Variants in CTNNA3 observed in about 807,000 individuals in gnomAD.
CTNNA3 encodes catenin alpha 3, also known as catenin alpha-3.
CTNNA3 carries 76 observed loss-of-function variants against 95.7 expected under a neutral mutation model. That is an observed-to-expected ratio of 0.79 (90% confidence interval 0.66 to 0.96). The LOEUF is 0.96. Ranked by LOEUF, CTNNA3 falls within the 40% of genes least tolerant of loss-of-function variation. The pLI, the probability that CTNNA3 is intolerant of heterozygous loss-of-function variation, is 0.00. For missense variants in CTNNA3, 1,191 were observed against 1,089.8 expected, an observed-to-expected ratio of 1.09 and a Z score of -1.31; for synonymous variants, 431 against 374.4, an observed-to-expected ratio of 1.15 and a Z score of -1.74.
At chr10:65,941,791 C>A (rs1267620358) in intron 17 of CTNNA3, among the ~76,000 whole-genome samples, 1 of 152,024 alleles carries the variant, frequency 6.6e-6, no homozygotes. Flanking sequence ...CTGTTGGAAA[C>A]TTAACCAAAC....
Position 66,505,611 on chromosome 10 carries a change from C to T in CTNNA3, c.1531+15006G>A, listed in dbSNP as rs140213599. On this transcript the variant is annotated intron_variant, in intron 11 of 17. Coordinates refer to ENST00000433211, the MANE Select transcript of CTNNA3 (RefSeq NM_013266.4). Reference sequence around the variant, plus strand: ...TCGGTAAATGGAAACCTAGGTTATTCGGCTTGAGCTAGGATGCAGTTATCA... The same window carrying T: ...TCGGTAAATGGAAACCTAGGTTATTTGGCTTGAGCTAGGATGCAGTTATCA... Among the ~76,000 whole-genome samples, 36 of 152,136 alleles carry T rather than the reference C, an allele frequency of 2.4e-4. 1 individual carries two copies. In the East Asian group the frequency reaches 5.8e-3, roughly 25 times the overall value.
intron 6 of CTNNA3, among the ~76,000 whole-genome samples, chr10:67,204,174 G>GA (rs1223559526): frequency 2.6e-5 from 4 of 152,100 alleles, no homozygotes; most frequent in Admixed American, 6.6e-5. Context: ...GATTCCTGCT[G>GA]ATATGGTTTG....
chr10:67,534,666 G>A (rs538223155), intron 4 of CTNNA3, among the ~76,000 whole-genome samples: 1 of 152,288 alleles, frequency 6.6e-6, no homozygotes, highest in Admixed American at 6.5e-5. Context: ...GTTGGAGAAT[G>A]TGTGTATCTG....
intron 11 of CTNNA3, among the ~76,000 whole-genome samples, chr10:66,410,285 G>C (rs988237763): frequency 6.6e-6 from 1 of 152,134 alleles, no homozygotes; most frequent in Non-Finnish European, 1.5e-5. Context: ...TTGCAGACCA[G>C]CCTGCTCTTC....
At chr10:66,942,102 A>G (rs1848029147) in intron 7 of CTNNA3, among the ~76,000 whole-genome samples, 1 of 152,128 alleles carries the variant, frequency 6.6e-6, no homozygotes, top group Admixed American at 6.6e-5. Flanking sequence ...TCCCAGCACA[A>G]TTTTGAGGAT....
chr10:67,020,311 G>C (rs2133070352), intron 7 of CTNNA3, among the ~76,000 whole-genome samples: 1 of 152,284 alleles, frequency 6.6e-6, no homozygotes, highest in Middle Eastern at 3.4e-3. Flanking sequence ...ACAGCCTCAT[G>C]TTAAATTATA....
rs1564645876 is a variant in CTNNA3, at chr10:66,103,188, G to C, written c.1946C>G (p.Thr649Ser). The change falls in exon 14 of 18, where the codon ACC becomes AGC. Residue 649 changes from threonine to serine, a missense_variant. Thr to Ser is a moderately conservative substitution (Grantham distance 58). Coordinates refer to ENST00000433211, the MANE Select transcript of CTNNA3 (RefSeq NM_013266.4). ...AGTTTTCCCTTCGGTCTGAATGCTGGTGTGACTGCGGACCTCGTGTTCCTC... is the reference window on the plus strand; with the variant it reads ...AGTTTTCCCTTCGGTCTGAATGCTGCTGTGACTGCGGACCTCGTGTTCCTC... ...LEEEHEVRSH[T>S]SIQTEGKTDR... 2 of 1,614,076 alleles carry C rather than the reference G, an allele frequency of 1.2e-6. No homozygotes were observed.
chr10:67,291,598 C>T (rs1435667126), intron 5 of CTNNA3, among the ~76,000 whole-genome samples: 1 of 152,134 alleles, frequency 6.6e-6, no homozygotes, highest in Non-Finnish European at 1.5e-5. Context: ...TTTGTTATCT[C>T]CTCACACAAT....
At chr10:66,396,938 T>C (rs990646069) in intron 11 of CTNNA3, among the ~76,000 whole-genome samples, 6 of 151,748 alleles carry the variant, frequency 4.0e-5, no homozygotes, top group African/African-American at 1.2e-4. Flanking sequence ...CAATATAAGC[T>C]TTTCACTTAT....
At chr10:66,474,968 C>T (rs1283965119) in intron 11 of CTNNA3, among the ~76,000 whole-genome samples, 1 of 151,912 alleles carries the variant, frequency 6.6e-6, no homozygotes, top group Non-Finnish European at 1.5e-5. Flanking sequence ...TGGATATTAA[C>T]CCCTTGTCAC....
At chr10:67,726,258 GTATTACATATTATATATATTA>G (rs1194901562) in intron 1 of CTNNA3, among the ~76,000 whole-genome samples, 10 of 68,040 alleles carry the variant, frequency 1.5e-4, no homozygotes, top group African/African-American at 7.4e-4. Context: ...ATATAATATT[GTATTACATATTATATATATTA>G]TATTACATAT....
chr10:66,406,385 T>G (rs753971152), intron 11 of CTNNA3, among the ~76,000 whole-genome samples: 5 of 152,110 alleles, frequency 3.3e-5, no homozygotes, highest in African/African-American at 4.8e-5. Context: ...TTGAAAAGCT[T>G]TTTCCTGTCC....
rs57051265 is a variant in CTNNA3 at position 67,145,436 on chromosome 10, GTT to G, written c.1047+34879_1047+34880del. On this transcript the variant is annotated intron_variant, in intron 7 of 17. Coordinates refer to ENST00000433211, the MANE Select transcript of CTNNA3 (RefSeq NM_013266.4). ...CATTATTATTTTTTAAATTTTTTTA[GTT>G]TTTTTTTTTTTTGATGGAGTCTCAG... 9.3e-3 allele frequency among the ~76,000 whole-genome samples: 1,338 copies of G among 143,468 alleles called. 12 individuals carry two copies. Among genetic ancestry groups the G allele is most frequent in the Non-Finnish European group, 0.016 (1,044 of 65,810 alleles). 94.1% of individuals were successfully genotyped at this position (143,468 alleles called of 152,430 possible).
intron 7 of CTNNA3, among the ~76,000 whole-genome samples, chr10:67,022,760 AC>A: frequency 6.6e-6 from 1 of 152,082 alleles, no homozygotes; most frequent in South Asian, 2.1e-4. Context: ...ACACAGTGAA[AC>A]CCTGTCTCTG....
intron 11 of CTNNA3, among the ~76,000 whole-genome samples, chr10:66,444,820 T>C (rs2093406104): frequency 2.0e-5 from 3 of 152,110 alleles, no homozygotes; most frequent in Admixed American, 6.5e-5. Context: ...AATTCACACA[T>C]AACACTTAAC....
intron 1 of CTNNA3, among the ~76,000 whole-genome samples, chr10:67,748,082 C>T (rs1411100098): frequency 6.6e-6 from 1 of 152,116 alleles, no homozygotes; most frequent in Non-Finnish European, 1.5e-5. Context: ...ACAAATAAAA[C>T]CTCTGAGAAC....
At chr10:66,204,659 C>T (rs1431920147) in intron 13 of CTNNA3, among the ~76,000 whole-genome samples, 1 of 152,138 alleles carries the variant, frequency 6.6e-6, no homozygotes, top group Non-Finnish European at 1.5e-5. Context: ...CCACTTCCTC[C>T]CTTGTACTTA....
intron 5 of CTNNA3, among the ~76,000 whole-genome samples, chr10:67,228,919 C>T (rs1865062767): frequency 6.6e-6 from 1 of 152,068 alleles, no homozygotes; most frequent in African/African-American, 2.4e-5. Context: ...ACCCTTTTGA[C>T]ACTATTCCAC....
intron 17 of CTNNA3, among the ~76,000 whole-genome samples, chr10:65,925,071 A>T (rs528514621): frequency 3.3e-5 from 5 of 152,214 alleles, no homozygotes; most frequent in African/African-American, 1.2e-4. Flanking sequence ...CCAAACCACA[A>T]CACCCTCACT....
Sources: gnomAD v4.1 joint callset for allele counts (sites outside exome capture counted in the v4.1 genomes callset) on GRCh38, gnomAD v4.1.1 for gene constraint, MANE v1.5 for transcripts, NCBI Gene and HGNC (gene_info 2026-07-23, HGNC 2026-07-21) for gene names.